ENDOU: variants seen among roughly 807,000 people sequenced by gnomAD.
ENDOU encodes the protein uridylate-specific endoribonuclease.
A neutral mutation model predicts 54.2 loss-of-function variants in ENDOU; 49 were observed. That is an observed-to-expected ratio of 0.90 (90% CI 0.72 to 1.15). The LOEUF (loss-of-function observed/expected upper bound fraction) is 1.15, where lower values mean the gene tolerates loss of function less well. ENDOU is among the 50% of genes most tolerant of loss of function. The pLI is 0.00. For missense variants in ENDOU, 458 were observed against 511.4 expected (o/e 0.90, Z 1.01); for synonymous variants, 172 against 190.5 (o/e 0.90, Z 0.80).
chr12:47,712,948 C>A (rs1281148226), intron 7 of ENDOU, among the ~76,000 whole-genome samples: 7 of 152,172 alleles, frequency 4.6e-5, no homozygotes, highest in Admixed American at 4.6e-4. Context: ...TCTTGGGAAG[C>A]AGCTGGCCAG....
chr12:47,712,390 T>A, intron 8 of ENDOU, 126 bp downstream of exon 8: 1 of 694,400 alleles, frequency 1.4e-6, no homozygotes, highest in South Asian at 1.8e-5. Context: ...GGTGAGGACG[T>A]GATAGTCACA....
Position 47,710,832 on chromosome 12 carries a change from G to A in ENDOU, c.1203C>T (p.Ile401=), listed in dbSNP as rs752143278. ...TGGAAGACACTATGTAGGCTGTGGC[G>A]ATGTACTTCTTGCCATTCCCATAGG... ...KSTYGNGKKY[I]ATAYIVSST is the part of the protein sequence containing the mutation. Residue 401 remains isoleucine, a synonymous_variant, in exon 10 of 10, where the codon ATC becomes ATT. Transcript: ENST00000422538. The A allele has an allele frequency of 1.4e-5, 22 of 1,613,888 alleles. No individual in the cohort carries two copies. The highest frequency in any genetic ancestry group is 1.6e-4 in the Middle Eastern group (1 of 6,062).
chr12:47,712,911 A>G (rs998175759), intron 7 of ENDOU, among the ~76,000 whole-genome samples: 3 of 152,220 alleles, frequency 2.0e-5, no homozygotes, highest in Admixed American at 2.0e-4. Flanking sequence ...TTTATGGGGT[A>G]GAATAGGGGG....
intron 1 of ENDOU, among the ~76,000 whole-genome samples, chr12:47,725,117 GA>G (rs1451292506): frequency 2.0e-5 from 3 of 152,186 alleles, no homozygotes; most frequent in Admixed American, 1.3e-4. Flanking sequence ...AAGGTGTCAA[GA>G]AGGGAATTCC....
chr12:47,713,972 G>A (rs1487888050), intron 6 of ENDOU, among the ~76,000 whole-genome samples: 1 of 152,194 alleles, frequency 6.6e-6, no homozygotes, highest in South Asian at 2.1e-4. Flanking sequence ...AGGAGAGGAG[G>A]TTTGAGAAGC....
intron 6 of ENDOU, among the ~76,000 whole-genome samples, chr12:47,714,682 C>T (rs1409433531): frequency 6.6e-6 from 1 of 152,140 alleles, no homozygotes; most frequent in Admixed American, 6.5e-5. Context: ...ATGGGGAAGA[C>T]CCAGAGAGGA....
At position 47,718,123 on chromosome 12, in the gene ENDOU, G is replaced by T. The variant is rs767018096; in HGVS notation, c.244+6C>A. 30 of 1,564,938 alleles carry T rather than the reference G, an allele frequency of 1.9e-5. No homozygotes were observed. The highest frequency in any genetic ancestry group is 2.5e-5 in the Non-Finnish European group (29 of 1,153,090). On this transcript the variant is annotated splice_donor_region_variant and intron_variant, in intron 3 of 9. Transcript: ENST00000422538. ...TGAGGGCCCCCCTTTGGGGAGGCAGGCTCACTGCTGGCGAGGGCCTCTTCT... is the reference window on the plus strand; with the variant it reads ...TGAGGGCCCCCCTTTGGGGAGGCAGTCTCACTGCTGGCGAGGGCCTCTTCT...
rs1161004602 is a variant in ENDOU, at chr12:47,713,372, C to A, written c.768G>T (p.Glu256Asp). Reference protein sequence around the residue: ...FLHHQNRYGSEQEFVDDLKNM... With the variant: ...FLHHQNRYGSDQEFVDDLKNM... ...TCTTCAAGTCATCGACAAACTCTTG[C>A]TCTGAGCCATAGCGATCTGCAGAGG... Residue 256 changes from glutamate (E) to aspartate (D), a missense_variant, in exon 7 of 10, where the codon GAG becomes GAT. Coordinates refer to ENST00000422538, the MANE Select transcript of ENDOU (RefSeq NM_001172439.2). The A allele has an allele frequency of 1.9e-6, 3 of 1,613,908 alleles. No homozygotes were observed. The highest frequency in any genetic ancestry group is 2.5e-6 in the Non-Finnish European group (3 of 1,179,890).
chr12:47,720,857 G>A lies in ENDOU; in HGVS notation c.74C>T (p.Ala25Val). The stretch of plus-strand genomic sequence containing the variant: ...GTTAAATTTCTCATTACATCGAGAT[G>A]CACAGGATTCTATTTTTCCTATGGG... ...LAWAGKIESC[A>V]SRCNEKFNRD... The change falls in exon 2 of 10, where the codon GCA (alanine) becomes GTA (valine). Residue 25 changes from alanine (A) to valine (V), a missense_variant. Physicochemically the swap from Ala to Val is moderately conservative, Grantham distance 64 (BLOSUM62 0). Coordinates refer to ENST00000422538, the MANE Select transcript of ENDOU (RefSeq NM_001172439.2). 5.2e-6 allele frequency: 8 copies of A among 1,536,116 alleles called. 1 individual carries two copies. In the South Asian group the frequency reaches 9.5e-5, roughly 18 times the overall value.
chr12:47,724,869 G>A (rs747522624), intron 1 of ENDOU, among the ~76,000 whole-genome samples: 1 of 152,112 alleles, frequency 6.6e-6, no homozygotes, highest in African/African-American at 2.4e-5. Flanking sequence ...CCTGGTCAAA[G>A]GTCCTTTCAG....
chr12:47,716,394 G>A lies in ENDOU; in HGVS notation c.657C>T (p.Phe219=). ...CCTGCTCGGCCAGCTCCTGGGCACT[G>A]AAGTGCTCCCCATGGCCTGTTGCCC... ...YQRATGHGEH[F]SAQELAEQDA... is the part of the protein sequence containing the mutation. Residue 219 remains phenylalanine (F), a synonymous_variant, in exon 6 of 10, where the codon TTC becomes TTT. Coordinates refer to ENST00000422538, the MANE Select transcript of ENDOU (RefSeq NM_001172439.2). 2 of 1,614,162 alleles carry A rather than the reference G, an allele frequency of 1.2e-6. No homozygotes were observed. The highest frequency in any genetic ancestry group is 2.2e-5 in the East Asian group (1 of 44,884).
At chr12:47,718,563 A>G (rs1459388139) in intron 2 of ENDOU, among the ~76,000 whole-genome samples, 1 of 152,242 alleles carries the variant, frequency 6.6e-6, no homozygotes, top group Non-Finnish European at 1.5e-5. Context: ...TCCTGTACCT[A>G]GAAAAACTTC....
chr12:47,716,258 A>G (rs979935658), intron 6 of ENDOU, 42 bp downstream of exon 6: 2 of 1,603,964 alleles, frequency 1.2e-6, no homozygotes, highest in African/African-American at 1.3e-5. Context: ...GGCTTCGCTC[A>G]GACAGACTCA....
intron 6 of ENDOU, among the ~76,000 whole-genome samples, chr12:47,715,587 A>C (rs960866717): frequency 2.6e-5 from 4 of 152,226 alleles, no homozygotes; most frequent in Admixed American, 6.5e-5. Flanking sequence ...AGCAGCTCTG[A>C]GCCAAGGCAC....
chr12:47,717,687 G>T (rs1426114207), intron 3 of ENDOU, 32 bp from the exon 4 acceptor site: 2 of 1,608,948 alleles, frequency 1.2e-6, no homozygotes, highest in African/African-American at 2.7e-5. Context: ...GTCCCGGGCT[G>T]ACCTCTAGAG....
rs755654398 is a variant in ENDOU at position 47,713,353 on chromosome 12, A to T, written c.787T>A (p.Leu263Met). ...YGSEQEFVDDLKNMWFGLYSR... is the reference protein window; with the variant it reads ...YGSEQEFVDDMKNMWFGLYSR... Reference sequence around the variant, plus strand: ...TAGAGCCCAAACCACATGTTCTTCAAGTCATCGACAAACTCTTGCTCTGAG... The same window carrying T: ...TAGAGCCCAAACCACATGTTCTTCATGTCATCGACAAACTCTTGCTCTGAG... Residue 263 changes from leucine to methionine, a missense_variant, in exon 7 of 10, where the codon TTG becomes ATG. Physicochemically the swap from Leu to Met is conservative, Grantham distance 15. Coordinates refer to ENST00000422538, the MANE Select transcript of ENDOU (RefSeq NM_001172439.2). 6.2e-7 allele frequency: 1 copy of T among 1,614,138 alleles called. No homozygotes were observed. Among genetic ancestry groups the T allele is most frequent in the South Asian group, 1.1e-5 (1 of 91,072 alleles).
chr12:47,719,496 G>A (rs1203795368), intron 2 of ENDOU: 3 of 152,132 alleles, frequency 2.0e-5, no homozygotes, highest in Non-Finnish European at 2.9e-5. Context: ...CATGTGTCAC[G>A]GGAGGGACCT....
In ENDOU at chr12:47,717,057, C is replaced by T; in HGVS notation, c.384G>A (p.Glu128=). 1 of 1,613,918 alleles carries T rather than the reference C, an allele frequency of 6.2e-7. No homozygotes were observed. The highest frequency in any genetic ancestry group is 1.1e-5 in the South Asian group (1 of 91,072). ...TTATGGCATCACTGCTGTGGGAGAC[C>T]TCTGGGAGGAATTGGAAGAGGGGTG... ...KDFESLCSDH[E]VSHSSDAITK... is the part of the protein sequence containing the mutation. The change falls in exon 5 of 10, where the codon GAG becomes GAA. Residue 128 remains glutamate (E), a splice_region_variant and synonymous_variant. Transcript: ENST00000422538.
At chr12:47,718,502 A>G (rs1398038125) in intron 2 of ENDOU, among the ~76,000 whole-genome samples, 3 of 152,238 alleles carry the variant, frequency 2.0e-5, no homozygotes, top group African/African-American at 7.2e-5. Flanking sequence ...AAGTTGACAG[A>G]TGGATAGAGG....
Sources: allele counts gnomAD v4.1 joint callset (sites outside exome capture counted in the v4.1 genomes callset), GRCh38; gene constraint gnomAD v4.1.1; transcripts MANE v1.5; gene names NCBI Gene and HGNC (gene_info 2026-07-23, HGNC 2026-07-21).